Variants in LOXL4 observed in about 807,000 individuals in gnomAD.
The protein encoded by LOXL4 is lysyl oxidase homolog 4.
Under a neutral mutation model 89.1 loss-of-function variants are expected in LOXL4, and 72 were observed. The ratio of observed to expected loss-of-function variants is 0.81; its 90% CI spans 0.67 to 0.98. LOXL4 has a LOEUF of 0.98. LOXL4 is among the 50% of genes least tolerant of loss of function. The pLI, the probability that LOXL4 is intolerant of heterozygous loss-of-function variation, is 0.00. For synonymous variants in LOXL4, 355 were observed against 392.1 expected, an observed-to-expected ratio of 0.91 and a Z score of 1.12; for missense variants, 984 against 1,017.5, an observed-to-expected ratio of 0.97 and a Z score of 0.45.
At chr10:98,258,628 A>C (rs1045387761) in intron 6 of LOXL4, among the ~76,000 whole-genome samples, 3 of 151,972 alleles carry the variant, frequency 2.0e-5, no homozygotes, top group Non-Finnish European at 4.4e-5. Context: ...GTACCACCTC[A>C]TGAGGGCATC....
At chr10:98,260,288 G>A (rs941825539) in intron 4 of LOXL4, among the ~76,000 whole-genome samples, 6 of 152,116 alleles carry the variant, frequency 3.9e-5, no homozygotes, top group African/African-American at 9.7e-5. Flanking sequence ...TGGGATATTC[G>A]CAGTGGAATT....
chr10:98,251,968 G>C (rs928429740), intron 12 of LOXL4: 3 of 520,928 alleles, frequency 5.8e-6, no homozygotes, highest in African/African-American at 5.7e-5. Context: ...TTGTGCATCC[G>C]CCTATCCATC....
In LOXL4 at chr10:98,261,013, A is replaced by G. The variant is rs765444460; in HGVS notation, c.571T>C (p.Cys191Arg). Residue 191 changes from cysteine (C) to arginine (R), a missense_variant, in exon 4 of 15, where the codon TGT (cysteine) becomes CGT (arginine). By Grantham distance (180) the Cys-to-Arg change is radical. Transcript: ENST00000260702. ...TTGTTCATGGTCCAGCCCTGGTCAC[A>G]CACCTGCCGCCAGTGGCCCTCATAC... ...VKYEGHWRQV[C>R]DQGWTMNNSR... 2 of 1,613,920 alleles carry G rather than the reference A, an allele frequency of 1.2e-6. No individual in the cohort carries two copies. The highest frequency in any genetic ancestry group is 1.7e-6 in the Non-Finnish European group (2 of 1,180,016).
In LOXL4 at chr10:98,251,067, G is replaced by T; in HGVS notation, c.2198C>A (p.Thr733Lys). ...ATTCCACAGTGGCTCGGAGTTACCT[G>T]TGTGGCAGTTGTGCAGCCAGACCCG... is the stretch of plus-strand genomic sequence containing the variant. ...GHRVWLHNCHTGNSYPANAEL... is the reference protein window; with the variant it reads ...GHRVWLHNCHKGNSYPANAEL... Residue 733 changes from threonine to lysine, a missense_variant and splice_region_variant, in exon 14 of 15, where the codon ACA becomes AAA. Coordinates refer to ENST00000260702, the MANE Select transcript of LOXL4 (RefSeq NM_032211.7). 2 of 1,612,402 alleles carry T rather than the reference G, an allele frequency of 1.2e-6. No individual in the cohort carries two copies. Among genetic ancestry groups the T allele is most frequent in the Non-Finnish European group, 1.7e-6 (2 of 1,178,552 alleles).
chr10:98,262,131 A>T lies in LOXL4; in HGVS notation c.360T>A (p.Ser120Arg). 6.2e-7 allele frequency: 1 copy of T among 1,613,384 alleles called. No homozygotes were observed. The highest frequency in any genetic ancestry group is 1.3e-5 in the African/African-American group (1 of 75,022). ...DQCGSNGWGV[S>R]DCSHSEDVGV... ...CTACGTCTTCTGAGTGACTGCAGTC[A>T]CTGACTCCCCAGCCATTAGACCCGC... Residue 120 changes from serine to arginine, a missense_variant, in exon 3 of 15, where the codon AGT becomes AGA. Coordinates refer to ENST00000260702, the MANE Select transcript of LOXL4 (RefSeq NM_032211.7).
In LOXL4 at chr10:98,262,267, C is replaced by G. The variant is rs1384502102; in HGVS notation, c.278-54G>C. 1.9e-6 allele frequency: 3 copies of G among 1,591,002 alleles called. No individual in the cohort carries two copies. The East Asian group carries it at 6.7e-5, about 36-fold the overall frequency. ...GGCACAGAGAGGCAGGTCACAGGCTCTGCCTCCTGCATAGGACCCCACACT... is the reference window on the plus strand; with the variant it reads ...GGCACAGAGAGGCAGGTCACAGGCTGTGCCTCCTGCATAGGACCCCACACT... On this transcript the variant is annotated intron_variant, in intron 2 of 14. Transcript: ENST00000260702.
chr10:98,253,393 G>A (rs547378270), intron 11 of LOXL4, among the ~76,000 whole-genome samples, 160 bp downstream of exon 11: 1 of 152,376 alleles, frequency 6.6e-6, no homozygotes, highest in South Asian at 2.1e-4. Flanking sequence ...GGGGCAGGTG[G>A]ATGCCGCTGT....
At position 98,260,979 on chromosome 10, in the gene LOXL4, A is replaced by C. The variant is rs1590883395; in HGVS notation, c.605T>G (p.Val202Gly). 1 of 1,613,252 alleles carries C rather than the reference A, an allele frequency of 6.2e-7. No individual in the cohort carries two copies. The highest frequency in any genetic ancestry group is 1.1e-5 in the South Asian group (1 of 91,050). Residue 202 changes from valine (V) to glycine (G), a missense_variant, in exon 4 of 15, where the codon GTG (valine) becomes GGG (glycine). Val to Gly is a moderately radical substitution (Grantham distance 109, BLOSUM62 -3). Coordinates refer to ENST00000260702, the MANE Select transcript of LOXL4 (RefSeq NM_032211.7). ...GGGGAAGCCCAGCATCCCGCACACC[A>C]CCCTGCTGTTGTTCATGGTCCAGCC... Reference protein sequence around the residue: ...DQGWTMNNSRVVCGMLGFPSE... With the variant: ...DQGWTMNNSRGVCGMLGFPSE...
chr10:98,253,346 C>T (rs966293407), intron 11 of LOXL4, among the ~76,000 whole-genome samples: 5 of 152,234 alleles, frequency 3.3e-5, no homozygotes, highest in Non-Finnish European at 5.9e-5. Flanking sequence ...ACAGACCCCA[C>T]GGGCACCATT....
intron 6 of LOXL4, among the ~76,000 whole-genome samples, chr10:98,258,574 A>G (rs926172133): frequency 6.6e-6 from 1 of 151,164 alleles, no homozygotes; most frequent in Non-Finnish European, 1.5e-5. Context: ...TCACGAGGCC[A>G]TCTCAGTGTG....
intron 1 of LOXL4, among the ~76,000 whole-genome samples, chr10:98,266,022 C>T (rs1858675579): frequency 6.6e-6 from 1 of 152,186 alleles, no homozygotes; most frequent in East Asian, 1.9e-4. Flanking sequence ...CACTCAGAGG[C>T]TTGTGGGGGC....
At chr10:98,265,067 C>A (rs1858646549) in intron 1 of LOXL4, among the ~76,000 whole-genome samples, 1 of 152,184 alleles carries the variant, frequency 6.6e-6, no homozygotes, top group African/African-American at 2.4e-5. Flanking sequence ...TGTGTTGTGT[C>A]CCCAGTTCCC....
chr10:98,262,272 T>C, intron 2 of LOXL4, 59 bp from the exon 3 acceptor site: 1 of 1,576,864 alleles, frequency 6.3e-7, no homozygotes, highest in Non-Finnish European at 8.7e-7. Flanking sequence ...AGGCTCTGCC[T>C]CCTGCATAGG....
At chr10:98,266,122 G>T (rs1051891608) in intron 1 of LOXL4, among the ~76,000 whole-genome samples, 1 of 152,138 alleles carries the variant, frequency 6.6e-6, no homozygotes, top group Non-Finnish European at 1.5e-5. Context: ...GACAGCCAGG[G>T]ACTGAGCCAA....
chr10:98,259,282 G>T (rs7077266), intron 5 of LOXL4, 54 bp from the exon 6 acceptor site: 177,055 of 1,581,806 alleles, frequency 0.11, 11,318 homozygotes, highest in African/African-American at 0.26. Flanking sequence ...AGAGCTTCAG[G>T]ACTAAGGGAG....
chr10:98,263,503 A>G (rs1395054781), intron 1 of LOXL4, among the ~76,000 whole-genome samples: 1 of 152,146 alleles, frequency 6.6e-6, no homozygotes, highest in East Asian at 1.9e-4. Context: ...GGGTGCCCTC[A>G]GGTCAAGACT....
rs781687372 is a variant in LOXL4 at position 98,256,763 on chromosome 10, A to T, written c.1428+17T>A. ...GAGGGTGAGAGGTCATACGGAAGAA[A>T]CAACAGAGGGACCTACCTTGTAGGC... is the stretch of plus-strand genomic sequence containing the variant. On this transcript the variant is annotated intron_variant, in intron 9 of 14. Transcript: ENST00000260702. 9.1e-5 allele frequency: 147 copies of T among 1,613,794 alleles called. No homozygotes were observed. Among genetic ancestry groups the T allele is most frequent in the Non-Finnish European group, 1.2e-4 (145 of 1,180,046 alleles).
Position 98,248,855 on chromosome 10 carries a change from G to T in LOXL4, c.*66C>A. ...TCCTCTGAGTTGGGACTCTGTGAAG[G>T]GCATGGCTCCAATAAGCTGAGGTAT... On this transcript the variant is annotated 3_prime_UTR_variant, in exon 15 of 15. Transcript: ENST00000260702. 2 of 1,431,246 alleles carry T rather than the reference G, an allele frequency of 1.4e-6. No homozygotes were observed. Among genetic ancestry groups the T allele is most frequent in the South Asian group, 1.2e-5 (1 of 83,078 alleles). 88.7% of individuals were successfully genotyped at this position (1,431,246 alleles called of 1,614,324 possible). A position where few individuals can be genotyped will look rare whatever the true frequency, so the allele number is the denominator to read the frequency against.
chr10:98,252,916 T>C (rs901141288), intron 11 of LOXL4, among the ~76,000 whole-genome samples: 1 of 152,254 alleles, frequency 6.6e-6, no homozygotes, highest in African/African-American at 2.4e-5. Context: ...AAGGTGCTTA[T>C]TATCTCAGGC....
Sources: allele counts gnomAD v4.1 joint callset (sites outside exome capture counted in the v4.1 genomes callset), GRCh38; gene constraint gnomAD v4.1.1; transcripts MANE v1.5; gene names NCBI Gene and HGNC (gene_info 2026-07-23, HGNC 2026-07-21).